Variants in SDCCAG8 observed in about 807,000 individuals in gnomAD.
SDCCAG8 encodes the protein serologically defined colon cancer antigen 8.
SDCCAG8 carries 74 observed loss-of-function variants against 101.8 expected under a neutral mutation model. The observed-to-expected ratio is 0.73, with a 90% confidence interval of 0.60 to 0.88. The LOEUF (loss-of-function observed/expected upper bound fraction) is 0.88. Among genes scored for constraint, SDCCAG8 ranks in the 40% least tolerant of loss-of-function variants. The pLI is 0.00. For missense variants in SDCCAG8, 787 were observed against 822.6 expected, an observed-to-expected ratio of 0.96 and a Z score of 0.53; for synonymous variants, 281 against 292.9, an observed-to-expected ratio of 0.96 and a Z score of 0.41.
intron 16 of SDCCAG8, among the ~76,000 whole-genome samples, chr1:243,459,051 A>C (rs1209561846): frequency 6.6e-6 from 1 of 152,250 alleles, no homozygotes; most frequent in Non-Finnish European, 1.5e-5. Flanking sequence ...TGAGAAGAAA[A>C]AGCAGAGGGG....
intron 12 of SDCCAG8, among the ~76,000 whole-genome samples, chr1:243,370,262 A>C (rs1408296405): frequency 6.6e-6 from 1 of 152,146 alleles, no homozygotes; most frequent in African/African-American, 2.4e-5. Context: ...ACTCATTTAG[A>C]ACACTGAAAA....
intron 12 of SDCCAG8, among the ~76,000 whole-genome samples, chr1:243,376,468 C>T (rs1390162478): frequency 2.0e-5 from 3 of 152,152 alleles, no homozygotes; most frequent in Non-Finnish European, 4.4e-5. Context: ...CAACCCTTGA[C>T]TTTTTATTAC....
intron 6 of SDCCAG8, among the ~76,000 whole-genome samples, chr1:243,295,162 T>C (rs1317403388): frequency 9.9e-5 from 15 of 152,218 alleles, no homozygotes; most frequent in Admixed American, 9.8e-4. Context: ...TAAAGACCAA[T>C]GTCTCAAGTC....
At chr1:243,338,009 C>G (rs925438365) in intron 10 of SDCCAG8, among the ~76,000 whole-genome samples, 1 of 152,080 alleles carries the variant, frequency 6.6e-6, no homozygotes, top group African/African-American at 2.4e-5. Context: ...TATCCTCAAA[C>G]TACTTGGCTC....
intron 16 of SDCCAG8, among the ~76,000 whole-genome samples, chr1:243,446,915 A>G (rs2082950517): frequency 6.6e-6 from 1 of 152,078 alleles, no homozygotes; most frequent in Non-Finnish European, 1.5e-5. Flanking sequence ...TATGGCTGAA[A>G]ATACAAATAG....
At chr1:243,275,263 CT>C (rs921788220) in intron 4 of SDCCAG8, among the ~76,000 whole-genome samples, 17 of 149,676 alleles carry the variant, frequency 1.1e-4, no homozygotes, top group South Asian at 2.1e-4. Context: ...TCGTGTTTTA[CT>C]TTTTTTTTTC....
At chr1:243,404,389 A>G (rs530709185) in intron 13 of SDCCAG8, among the ~76,000 whole-genome samples, 103 of 152,362 alleles carry the variant, frequency 6.8e-4, no homozygotes, top group African/African-American at 2.4e-3. Flanking sequence ...CAGGTTATTG[A>G]AGCAGAGGAA....
chr1:243,496,549 G>A (rs184042287), intron 17 of SDCCAG8, among the ~76,000 whole-genome samples: 89 of 152,368 alleles, frequency 5.8e-4, no homozygotes, highest in African/African-American at 2.0e-3. Context: ...CGGACAGCAG[G>A]GGGGGAAGGG....
chr1:243,430,563 C>T (rs913174378), intron 16 of SDCCAG8, among the ~76,000 whole-genome samples: 3 of 151,960 alleles, frequency 2.0e-5, no homozygotes, highest in African/African-American at 7.2e-5. Flanking sequence ...TCCTGCCTCC[C>T]GAGTAGCTGG....
chr1:243,375,657 T>C (rs553323514), intron 12 of SDCCAG8, among the ~76,000 whole-genome samples: 4 of 152,278 alleles, frequency 2.6e-5, no homozygotes, highest in Non-Finnish European at 5.9e-5. Context: ...CACATCAAAC[T>C]GCACTGTAGA....
intron 15 of SDCCAG8, among the ~76,000 whole-genome samples, chr1:243,424,490 G>A (rs2148037025): frequency 6.6e-6 from 1 of 151,932 alleles, no homozygotes; most frequent in African/African-American, 2.4e-5. Context: ...ATTAATAGTT[G>A]GTATGCATGT....
intron 4 of SDCCAG8, 116 bp downstream of exon 4, chr1:243,274,772 C>G (rs934567797): frequency 1.5e-6 from 1 of 657,342 alleles, no homozygotes; most frequent in Non-Finnish European, 2.8e-6. Flanking sequence ...TTGACAATTG[C>G]TATTCTTACG....
chr1:243,321,744 A>C (rs1253014236), intron 9 of SDCCAG8, among the ~76,000 whole-genome samples: 1 of 152,042 alleles, frequency 6.6e-6, no homozygotes, highest in Non-Finnish European at 1.5e-5. Context: ...CCGCCTCCAG[A>C]TTCAAGTGAT....
rs1573349666 is a variant in SDCCAG8 at position 243,330,707 on chromosome 1, T to C, written c.1221+15T>C. 2 of 1,613,966 alleles carry C rather than the reference T, an allele frequency of 1.2e-6. No individual in the cohort carries two copies. The highest frequency in any genetic ancestry group is 1.3e-5 in the African/African-American group (1 of 75,058). ...TGGGATCAAAGGTACTTAAGGACTC[T>C]GCTGTTATCCACATTGCAGAAGAAA... is the stretch of plus-strand genomic sequence containing the variant. On this transcript the variant is annotated intron_variant, in intron 10 of 17. Coordinates refer to ENST00000366541, the MANE Select transcript of SDCCAG8 (RefSeq NM_006642.5).
chr1:243,348,801 C>T (rs571145633), intron 12 of SDCCAG8, among the ~76,000 whole-genome samples: 119 of 137,208 alleles, frequency 8.7e-4, no homozygotes, highest in African/African-American at 2.9e-3. Context: ...GGAGAAACCC[C>T]GTCTCTACTA....
chr1:243,356,422 G>GA (rs978984019), intron 12 of SDCCAG8, among the ~76,000 whole-genome samples: 3 of 150,606 alleles, frequency 2.0e-5, no homozygotes, highest in Non-Finnish European at 3.0e-5. Flanking sequence ...AGTAGTGGCG[G>GA]GGGGGTGGTG....
intron 16 of SDCCAG8, among the ~76,000 whole-genome samples, chr1:243,440,314 TA>T (rs369038304): frequency 0.013 from 1,987 of 151,334 alleles, 48 homozygotes; most frequent in African/African-American, 0.045. Context: ...ATTATTAAAT[TA>T]AAAAAAAAGG....
chr1:243,296,264 G>T (rs2070865337), intron 6 of SDCCAG8, among the ~76,000 whole-genome samples: 1 of 152,084 alleles, frequency 6.6e-6, no homozygotes, highest in South Asian at 2.1e-4. Context: ...CCAAACTGCT[G>T]GGATTACATG....
At chr1:243,288,011 T>G (rs532926284) in intron 5 of SDCCAG8, among the ~76,000 whole-genome samples, 1 of 152,336 alleles carries the variant, frequency 6.6e-6, no homozygotes, top group South Asian at 2.1e-4. Context: ...TAGAGAGGTT[T>G]TGTTGTTTTT....
Sources: gnomAD v4.1 joint callset for allele counts (sites outside exome capture counted in the v4.1 genomes callset) on GRCh38, gnomAD v4.1.1 for gene constraint, MANE v1.5 for transcripts, NCBI Gene and HGNC (gene_info 2026-07-23, HGNC 2026-07-21) for gene names.